Variants in SEMA3D observed in about 807,000 individuals in gnomAD.
SEMA3D encodes semaphorin-3D.
Under a neutral mutation model 100.1 loss-of-function variants are expected in SEMA3D, and 84 were observed. The ratio of observed to expected loss-of-function variants is 0.84; its 90% CI spans 0.70 to 1.01. The LOEUF is 1.01. Ranked by LOEUF, SEMA3D falls within the 50% of genes least tolerant of loss-of-function variation. The pLI is 0.00. For synonymous variants in SEMA3D, 312 were observed against 320.7 expected (o/e 0.97, Z 0.29); for missense variants, 875 against 934.1 (o/e 0.94, Z 0.82).
At chr7:85,198,151 A>G in the SEMA3D span, among the ~76,000 whole-genome samples, 3 of 152,180 alleles carry the variant, frequency 2.0e-5, no homozygotes, top group African/African-American at 7.2e-5. Context: ...CCAAACCAAT[A>G]GTAACAACTT....
intron 3 of SEMA3D, 26 bp from the exon 4 acceptor site, chr7:85,097,991 A>AGGTCAGTATATTTAT: frequency 1.5e-6 from 2 of 1,315,698 alleles, no homozygotes; most frequent in Non-Finnish European, 2.0e-6. Context: ...AAAGAAAAGA[A>AGGTCAGTATATTTAT]AGGAGAAAGA....
intron 1 of SEMA3D, among the ~76,000 whole-genome samples, chr7:85,185,138 C>T (rs1447184276): frequency 1.3e-5 from 2 of 152,180 alleles, no homozygotes; most frequent in African/African-American, 4.8e-5. Context: ...GGAGTGATGA[C>T]ATGTGGCTCT....
At chr7:85,226,020 C>T in the SEMA3D span, among the ~76,000 whole-genome samples, 1 of 152,144 alleles carries the variant, frequency 6.6e-6, no homozygotes, top group South Asian at 2.1e-4. Context: ...TTCTCTTTCA[C>T]TAATCCATCA....
At chr7:85,207,393 ATACT>A in the SEMA3D span, among the ~76,000 whole-genome samples, 5 of 152,098 alleles carry the variant, frequency 3.3e-5, no homozygotes, top group Non-Finnish European at 5.9e-5. Flanking sequence ...TAGATAATAA[ATACT>A]TAATAACATC....
chr7:85,174,080 C>A (rs901239857), intron 1 of SEMA3D, among the ~76,000 whole-genome samples: 2 of 152,078 alleles, frequency 1.3e-5, no homozygotes, highest in Non-Finnish European at 2.9e-5. Context: ...GGAGATAATA[C>A]TCTGAACATA....
At chr7:85,066,890 G>GCACACACACACACACA (rs1265828830) in intron 7 of SEMA3D, among the ~76,000 whole-genome samples, 8 of 100,714 alleles carry the variant, frequency 7.9e-5, no homozygotes, top group African/African-American at 3.3e-4. Flanking sequence ...GGAAATGTGC[G>GCACACACACACACACA]CTCACACACA....
chr7:85,146,658 C>G (rs1452288149), intron 2 of SEMA3D, among the ~76,000 whole-genome samples: 1 of 151,850 alleles, frequency 6.6e-6, no homozygotes, highest in Non-Finnish European at 1.5e-5. Flanking sequence ...AAAATAAAAA[C>G]TAGCCTAATA....
At chr7:85,238,623 T>C in the SEMA3D span, among the ~76,000 whole-genome samples, 51 of 152,186 alleles carry the variant, frequency 3.4e-4, no homozygotes, top group African/African-American at 1.2e-3. Context: ...GGAAGTCAAG[T>C]AGTGTCAATA....
chr7:84,998,502 C>A lies in SEMA3D; in HGVS notation c.*938G>T, dbSNP rs1789563620. 6.6e-6 allele frequency: 1 copy of A among 151,976 alleles called. No individual in the cohort carries two copies. Among genetic ancestry groups the A allele is most frequent in the African/African-American group, 2.4e-5 (1 of 41,376 alleles). The allele number at this position is 151,976 out of a possible 1,614,324, so 9.4% of individuals were successfully genotyped here. On this transcript the variant is annotated 3_prime_UTR_variant, in exon 19 of 19. Transcript: ENST00000284136. ...TACTTATACCCTAGTGAAAAGAGCTCCATTACATTACTCTCACTTTATTTG... is the reference window on the plus strand; with the variant it reads ...TACTTATACCCTAGTGAAAAGAGCTACATTACATTACTCTCACTTTATTTG...
chr7:85,187,637 A>G (rs1791598067), upstream of SEMA3D, among the ~76,000 whole-genome samples: 1 of 152,064 alleles, frequency 6.6e-6, no homozygotes, highest in South Asian at 2.1e-4. Context: ...TGTCTTCGGG[A>G]GTTTTTTAGA....
intron 13 of SEMA3D, among the ~76,000 whole-genome samples, chr7:85,021,068 T>C (rs1379249403): frequency 6.6e-6 from 1 of 151,684 alleles, no homozygotes; most frequent in African/African-American, 2.4e-5. Context: ...CTTTAATTTA[T>C]ATAATATAGG....
At chr7:85,101,058 A>G (rs1189962328) in intron 3 of SEMA3D, among the ~76,000 whole-genome samples, 3 of 152,028 alleles carry the variant, frequency 2.0e-5, no homozygotes, top group African/African-American at 7.2e-5. Context: ...CAGGGATAAT[A>G]TCCAACAAAT....
intron 4 of SEMA3D, among the ~76,000 whole-genome samples, chr7:85,094,585 A>T (rs1562815541): frequency 2.6e-5 from 4 of 151,910 alleles, no homozygotes; most frequent in African/African-American, 9.7e-5. Flanking sequence ...TCTTCATCTC[A>T]GAGTTGGCTT....
intron 5 of SEMA3D, among the ~76,000 whole-genome samples, chr7:85,077,118 A>AG (rs1437620902): frequency 6.6e-6 from 1 of 151,386 alleles, no homozygotes; most frequent in East Asian, 1.9e-4. Context: ...AAAAAAAAAA[A>AG]AAAACTTTAA....
At chr7:85,203,545 C>A in the SEMA3D span, among the ~76,000 whole-genome samples, 1 of 152,046 alleles carries the variant, frequency 6.6e-6, no homozygotes, top group African/African-American at 2.4e-5. Context: ...AAAATATAAG[C>A]ACCTGGAAAC....
intron 4 of SEMA3D, among the ~76,000 whole-genome samples, chr7:85,089,544 G>A (rs565161897): frequency 3.3e-5 from 5 of 152,140 alleles, no homozygotes; most frequent in Admixed American, 2.6e-4. Flanking sequence ...TATATTCTCA[G>A]CATCTAGAAG....
chr7:85,123,371 G>A, intron 2 of SEMA3D, among the ~76,000 whole-genome samples: 1 of 152,192 alleles, frequency 6.6e-6, no homozygotes, highest in Admixed American at 6.6e-5. Flanking sequence ...AAAAGCATTA[G>A]ACTTTAAGTA....
At chr7:85,117,312 A>C (rs1789269857) in intron 3 of SEMA3D, among the ~76,000 whole-genome samples, 2 of 152,060 alleles carry the variant, frequency 1.3e-5, no homozygotes, top group Non-Finnish European at 2.9e-5. Context: ...AACCAGAACC[A>C]CCCAGCTAAG....
At chr7:85,160,409 C>T (rs1235985985) in intron 1 of SEMA3D, among the ~76,000 whole-genome samples, 1 of 151,682 alleles carries the variant, frequency 6.6e-6, no homozygotes, top group Non-Finnish European at 1.5e-5. Flanking sequence ...AAAATAAATA[C>T]TATAAAGAAC....
Sources: gnomAD v4.1 joint callset for allele counts (sites outside exome capture counted in the v4.1 genomes callset) on GRCh38, gnomAD v4.1.1 for gene constraint, MANE v1.5 for transcripts, NCBI Gene and HGNC (gene_info 2026-07-23, HGNC 2026-07-21) for gene names.